The following DST variants were observed in gnomAD, a reference collection of about 807,000 sequenced individuals.
DST encodes the protein dystonin.
A neutral mutation model predicts 875.2 loss-of-function variants in DST; 253 were observed. The ratio of observed to expected loss-of-function variants is 0.29; its 90% CI spans 0.26 to 0.32. The LOEUF is 0.32. Among genes scored for constraint, DST ranks in the 10% least tolerant of loss-of-function variants. The pLI, the probability that DST is intolerant of heterozygous loss-of-function variation, is 1.00. For synonymous variants in DST, 3,124 were observed against 3,197.1 expected (o/e 0.98, Z 0.77); for missense variants, 8,287 against 9,111.6 (o/e 0.91, Z 3.68).
At position 56,692,863 on chromosome 6, in the gene DST, T is replaced by C. The variant is rs377211471; in HGVS notation, c.1047+6790A>G. The stretch of plus-strand genomic sequence containing the variant: ...AGCTACAACTTCTGTCTTCTTTTGC[T>C]GAATACCATCTCCCAGTGCAGAGTT... On this transcript the variant is annotated intron_variant, in intron 9 of 103. Transcript: ENST00000680361. 46 of 1,289,856 alleles carry C rather than the reference T, an allele frequency of 3.6e-5. No individual in the cohort carries two copies. The East Asian group carries it at 1.4e-3, about 40-fold the overall frequency. 79.9% of individuals were successfully genotyped at this position (1,289,856 alleles called of 1,614,324 possible). A position where few individuals can be genotyped will look rare whatever the true frequency, so the allele number is the denominator to read the frequency against.
intron 4 of DST, chr6:56,843,704 G>T: frequency 1.3e-6 from 1 of 788,984 alleles, no homozygotes; most frequent in Non-Finnish European, 1.5e-6. Context: ...GAGAGGGAGG[G>T]AGGAGGGTGG....
chr6:56,790,857 C>CA (rs1016046811), intron 4 of DST, among the ~76,000 whole-genome samples: 3 of 152,158 alleles, frequency 2.0e-5, no homozygotes, highest in Non-Finnish European at 2.9e-5. Flanking sequence ...TTGTTTTGAA[C>CA]AAAAGAAGTC....
At chr6:56,842,010 T>A (rs969467744) in intron 4 of DST, among the ~76,000 whole-genome samples, 5 of 152,216 alleles carry the variant, frequency 3.3e-5, no homozygotes, top group Admixed American at 3.3e-4. Context: ...ATAAAACATA[T>A]CCTACAAAGA....
intron 4 of DST, among the ~76,000 whole-genome samples, chr6:56,782,606 TTCTG>T (rs1427401726): frequency 1.3e-5 from 2 of 152,332 alleles, no homozygotes; most frequent in African/African-American, 2.4e-5. Flanking sequence ...TATTTGATTC[TTCTG>T]TCTTTTTTTC....
At chr6:56,642,994 C>T in intron 15 of DST, 1 of 1,264,120 alleles carries the variant, frequency 7.9e-7, no homozygotes, top group Non-Finnish European at 1.1e-6. Flanking sequence ...AGCCTAAAGC[C>T]ATTCGTTTGC....
intron 9 of DST, among the ~76,000 whole-genome samples, chr6:56,697,167 G>A (rs1048910481): frequency 1.6e-4 from 24 of 151,890 alleles, no homozygotes; most frequent in African/African-American, 5.6e-4. Context: ...TAATCTCTCA[G>A]GCTAAAAAGT....
intron 2 of DST, among the ~76,000 whole-genome samples, chr6:56,952,492 T>C (rs1040507495): frequency 1.3e-5 from 2 of 152,240 alleles, no homozygotes; most frequent in African/African-American, 2.4e-5. Context: ...TTTACGATAG[T>C]CCCGGTTTTT....
At chr6:56,596,571 A>G (rs2098389996) in intron 47 of DST, among the ~76,000 whole-genome samples, 1 of 152,208 alleles carries the variant, frequency 6.6e-6, no homozygotes, top group Non-Finnish European at 1.5e-5. Flanking sequence ...TTTATTTTTC[A>G]TAATAAGGTC....
chr6:56,872,122 A>G (rs1669019753), intron 3 of DST, among the ~76,000 whole-genome samples: 1 of 152,206 alleles, frequency 6.6e-6, no homozygotes, highest in African/African-American at 2.4e-5. Flanking sequence ...GGCATGTACA[A>G]GAAAATGCAC....
chr6:56,665,090 C>T (rs1298262508), intron 10 of DST, among the ~76,000 whole-genome samples: 2 of 152,270 alleles, frequency 1.3e-5, no homozygotes, highest in Non-Finnish European at 2.9e-5. Context: ...ATGTGACATA[C>T]TAAAACTGCT....
rs749213254 is a variant in DST at position 56,702,014 on chromosome 6, A to G, written c.877-49T>C. 12 of 1,075,574 alleles carry G rather than the reference A, an allele frequency of 1.1e-5. No individual in the cohort carries two copies. In the East Asian group the frequency reaches 2.4e-4, roughly 21 times the overall value. The allele number at this position is 1,075,574 out of a possible 1,614,324, so 66.6% of individuals were successfully genotyped here. On this transcript the variant is annotated intron_variant, in intron 7 of 103. Transcript: ENST00000680361. ...TGAAAAAGAGTTTCTGTTATCACAGACCATGCTAATTTAAATATAATTTCT... is the reference window on the plus strand; with the variant it reads ...TGAAAAAGAGTTTCTGTTATCACAGGCCATGCTAATTTAAATATAATTTCT...
rs2096618398 is a variant in DST at position 56,517,543 on chromosome 6, C to G, written c.18207G>C (p.Arg6069Ser). ...EKKLMSLGDI[R>S]LEQDQTSAQL... is the part of the protein sequence containing the mutation. ...GAGCAGAAGTCTGGTCTTGCTCAAG[C>G]CTGATGTCACCCAGAGACATCAATT... Residue 6069 changes from arginine (R) to serine (S), a missense_variant, in exon 70 of 104, where the codon AGG (arginine) becomes AGC (serine). Physicochemically the swap from Arg to Ser is moderately radical, Grantham distance 110 (BLOSUM62 -1). Around this residue, in one of 10 missense-constraint regions of DST, gnomAD observed 777 missense variants for 764.8 expected, o/e 1.02. Coordinates refer to ENST00000680361, the MANE Select transcript of DST (RefSeq NM_001374736.1). The G allele has an allele frequency of 6.2e-7, 1 of 1,613,300 alleles. No homozygotes were observed. The highest frequency in any genetic ancestry group is 1.1e-5 in the South Asian group (1 of 90,974).
intron 36 of DST, 40 bp downstream of exon 36, chr6:56,624,490 G>T: frequency 2.2e-6 from 3 of 1,373,780 alleles, no homozygotes; most frequent in Non-Finnish European, 1.0e-6. Flanking sequence ...CTCATCTCTA[G>T]CTCCTTTATA....
intron 78 of DST, among the ~76,000 whole-genome samples, chr6:56,503,233 C>T (rs1440744774): frequency 2.0e-5 from 3 of 151,944 alleles, no homozygotes; most frequent in South Asian, 4.1e-4. Flanking sequence ...ACACCAAGGT[C>T]ACTATAGTCA....
At chr6:56,783,217 A>G (rs1590234364) in intron 4 of DST, among the ~76,000 whole-genome samples, 1 of 152,102 alleles carries the variant, frequency 6.6e-6, no homozygotes, top group Middle Eastern at 3.4e-3. Context: ...TGGGGTGGAG[A>G]GTTCTGTAGA....
chr6:56,672,467 T>C (rs982301368), intron 9 of DST, among the ~76,000 whole-genome samples: 5 of 152,146 alleles, frequency 3.3e-5, no homozygotes, highest in Admixed American at 2.6e-4. Context: ...ACACATCATA[T>C]AGTACACATA....
rs141715245 is a variant in DST, at chr6:56,497,583, C to T, written c.20095-76G>A. ...AGCAGGAAATAAGCTTCAAACAATC[C>T]CAGCCTGCTAAGCCTCTCTATGCAT... is the stretch of plus-strand genomic sequence containing the variant. On this transcript the variant is annotated intron_variant, in intron 81 of 103. Transcript: ENST00000680361. 3.2e-4 allele frequency: 489 copies of T among 1,535,660 alleles called. 2 individuals are homozygous for T. In the African/African-American group the frequency reaches 5.7e-3, roughly 18 times the overall value.
At chr6:56,523,070 T>A (rs1415491031) in intron 69 of DST, among the ~76,000 whole-genome samples, 1 of 152,150 alleles carries the variant, frequency 6.6e-6, no homozygotes, top group Non-Finnish European at 1.5e-5. Flanking sequence ...TCAACATCAT[T>A]ATTTACTAAG....
Position 56,552,928 on chromosome 6 carries a change from C to T in DST, c.15864G>A (p.Gln5288=), listed in dbSNP as rs1346877433. The change falls in exon 61 of 104, where the codon CAG becomes CAA. Residue 5288 remains glutamine (Q), a synonymous_variant. Coordinates refer to ENST00000680361, the MANE Select transcript of DST (RefSeq NM_001374736.1). ...FQEVSKESKR[Q]LQCAKEQLDI... is the part of the protein sequence containing the mutation. ...CTAGCTGCTCCTTTGCACACTGAAG[C>T]TGCCTTTTAGATTCTTTGGAAACTT... 1.2e-6 allele frequency: 2 copies of T among 1,613,894 alleles called. No homozygotes were observed. The highest frequency in any genetic ancestry group is 2.7e-5 in the African/African-American group (2 of 74,942).
Sources: allele counts gnomAD v4.1 joint callset (sites outside exome capture counted in the v4.1 genomes callset), GRCh38; gene constraint gnomAD v4.1.1; regional missense constraint gnomAD v4.1.1; transcripts MANE v1.5; gene names NCBI Gene and HGNC (gene_info 2026-07-23, HGNC 2026-07-21).